NHSL2: variants seen among roughly 807,000 people sequenced by gnomAD.
NHSL2 encodes the protein NHS like 2, also known as NHS-like protein 2.
NHSL2 carries 27 observed loss-of-function variants against 53.4 expected under a neutral mutation model. The observed-to-expected ratio is 0.51, with a 90% CI of 0.37 to 0.70. The LOEUF (loss-of-function observed/expected upper bound fraction) is 0.70. NHSL2 is among the 30% of genes least tolerant of loss of function. NHSL2 has a pLI of 0.00. For synonymous variants in NHSL2, 408 were observed against 404.1 expected (o/e 1.01, Z -0.12); for missense variants, 892 against 980.1 (o/e 0.91, Z 1.20).
chrX:72,100,200 A>G (rs750767298), intron 1 of NHSL2, among the ~76,000 whole-genome samples: 3 of 111,857 alleles, frequency 2.7e-5, no homozygotes, highest in African/African-American at 9.7e-5. Context: ...CTACGAGAGA[A>G]ATGCGTCATT....
chrX:72,106,611 C>G (rs751022800), intron 1 of NHSL2, among the ~76,000 whole-genome samples: 90 of 111,692 alleles, frequency 8.1e-4, no homozygotes, highest in African/African-American at 2.9e-3. Context: ...CATCCCATTA[C>G]TGGGTATATA....
chrX:72,115,750 A>C (rs1267935607), intron 1 of NHSL2, among the ~76,000 whole-genome samples: 1 of 111,350 alleles, frequency 9.0e-6, no homozygotes, highest in Non-Finnish European at 1.9e-5. Context: ...AGCACATGAC[A>C]AGGAATGCTC....
chrX:71,955,403 C>T (rs1439513246), intron 1 of NHSL2, among the ~76,000 whole-genome samples: 1 of 109,980 alleles, frequency 9.1e-6, no homozygotes, highest in Non-Finnish European at 1.9e-5. Flanking sequence ...GAAGTCTCCC[C>T]TGATTCCCTG....
intron 1 of NHSL2, among the ~76,000 whole-genome samples, chrX:72,032,360 CT>C (rs1284623613): frequency 9.0e-6 from 1 of 111,160 alleles, no homozygotes; most frequent in Non-Finnish European, 1.9e-5. Flanking sequence ...TGCCACTGCA[CT>C]CCAGCCTGGG....
chrX:71,914,424 C>T (rs1214956396), intron 1 of NHSL2, among the ~76,000 whole-genome samples: 1 of 112,308 alleles, frequency 8.9e-6, no homozygotes, highest in Non-Finnish European at 1.9e-5. Context: ...GATATAATAT[C>T]TCCTTTGCCA....
chrX:72,103,255 G>T (rs756709948), intron 1 of NHSL2, among the ~76,000 whole-genome samples: 1 of 110,837 alleles, frequency 9.0e-6, no homozygotes, highest in Non-Finnish European at 1.9e-5. Flanking sequence ...ATTATGCATC[G>T]CTCCCTCAAT....
chrX:72,085,715 G>GTTT (rs367789526), intron 1 of NHSL2, among the ~76,000 whole-genome samples: 9 of 92,597 alleles, frequency 9.7e-5, no homozygotes, highest in Non-Finnish European at 8.4e-5. Flanking sequence ...TTTTTTTTTT[G>GTTT]TTTTTTTTTT....
At chrX:71,986,162 T>C in intron 1 of NHSL2, among the ~76,000 whole-genome samples, 1 of 112,175 alleles carries the variant, frequency 8.9e-6, no homozygotes, top group East Asian at 2.8e-4. Context: ...ATGTTTCCTG[T>C]ATGACTTTTA....
chrX:71,923,664 G>A (rs1165242407), intron 1 of NHSL2, among the ~76,000 whole-genome samples: 3 of 111,622 alleles, frequency 2.7e-5, no homozygotes, highest in Admixed American at 9.5e-5. Flanking sequence ...CCCCTCCTGC[G>A]TCCCTGCTGG....
intron 5 of NHSL2, 52 bp downstream of exon 5, chrX:72,137,277 C>T (rs1452405566): frequency 2.8e-6 from 3 of 1,068,769 alleles, no homozygotes; most frequent in African/African-American, 3.7e-5. Context: ...CCACTCCTGC[C>T]AATCCTGCCA....
At chrX:72,137,954 T>C (rs191963377) in intron 5 of NHSL2, among the ~76,000 whole-genome samples, 1 of 111,809 alleles carries the variant, frequency 8.9e-6, no homozygotes, top group Non-Finnish European at 1.9e-5. Flanking sequence ...CAGCCTCTTA[T>C]GTTGCAAAGC....
At chrX:72,099,310 A>G (rs913735458) in intron 1 of NHSL2, among the ~76,000 whole-genome samples, 1 of 103,836 alleles carries the variant, frequency 9.6e-6, no homozygotes, top group Non-Finnish European at 2.0e-5. Context: ...GAACTATTTT[A>G]TTTCATTCAT....
At chrX:72,115,426 G>T (rs2042128452) in intron 1 of NHSL2, among the ~76,000 whole-genome samples, 1 of 83,611 alleles carries the variant, frequency 1.2e-5, no homozygotes, top group East Asian at 6.1e-4. Context: ...GAAGTTTGGT[G>T]GGGGCGGGGG....
chrX:71,963,960 C>CCCATATATATATAT (rs2041880469), intron 1 of NHSL2, among the ~76,000 whole-genome samples: 5 of 4,757 alleles, frequency 1.1e-3, no homozygotes, highest in South Asian at 0.037. Context: ...TATATATATA[C>CCCATATATATATAT]ACATATATAT....
At chrX:71,973,492 A>G (rs1254565153) in intron 1 of NHSL2, among the ~76,000 whole-genome samples, 3 of 111,815 alleles carry the variant, frequency 2.7e-5, no homozygotes, top group African/African-American at 6.5e-5. Flanking sequence ...CCCTTAGGAC[A>G]GAACTGTGGA....
intron 1 of NHSL2, among the ~76,000 whole-genome samples, chrX:71,972,392 CTGTT>C (rs754547577): frequency 9.8e-5 from 11 of 112,427 alleles, no homozygotes; most frequent in Admixed American, 7.5e-4. Flanking sequence ...GACAGTTTGT[CTGTT>C]TGTTTGTTTA....
At position 72,140,692 on chromosome X, in the gene NHSL2, C is replaced by T. The variant is rs775831102; in HGVS notation, c.3144C>T (p.Thr1048=). Residue 1048 remains threonine (T), a synonymous_variant, in exon 6 of 8, where the codon ACC becomes ACT. Transcript: ENST00000633930. ...AGGAAGACACCAAGTGTCCCGCCAC[C>T]GGCGATGACCTGCAATCACTTGGTC... ...TLEEDTKCPA[T]GDDLQSLGQR... is the part of the protein sequence containing the mutation. 1.1e-5 allele frequency: 13 copies of T among 1,208,062 alleles called. No homozygotes were observed. Among genetic ancestry groups the T allele is most frequent in the African/African-American group, 1.0e-4 (6 of 57,422 alleles).
At chrX:72,055,229 A>C (rs1046776278) in intron 1 of NHSL2, among the ~76,000 whole-genome samples, 1 of 111,858 alleles carries the variant, frequency 8.9e-6, no homozygotes, top group Non-Finnish European at 1.9e-5. Context: ...CTCAGACTTG[A>C]GCAAAGTCAC....
At chrX:72,041,073 C>CA (rs2042271589) in intron 1 of NHSL2, among the ~76,000 whole-genome samples, 1 of 111,962 alleles carries the variant, frequency 8.9e-6, no homozygotes, top group Admixed American at 9.4e-5. Context: ...GGGAGGCTTC[C>CA]AGGGGAAGGG....
Sources: gnomAD v4.1 joint callset for allele counts (sites outside exome capture counted in the v4.1 genomes callset) on GRCh38, gnomAD v4.1.1 for gene constraint, MANE v1.5 for transcripts, NCBI Gene and HGNC (gene_info 2026-07-23, HGNC 2026-07-21) for gene names.